The following ZC3H12D variants were observed in gnomAD, a reference collection of about 807,000 sequenced individuals.
ZC3H12D encodes the protein probable ribonuclease ZC3H12D.
ZC3H12D carries 11 observed loss-of-function variants against 24.2 expected under a neutral mutation model. The ratio of observed to expected loss-of-function variants is 0.46; its 90% CI spans 0.29 to 0.75. The LOEUF (loss-of-function observed/expected upper bound fraction) is 0.75, where lower values mean the gene tolerates loss of function less well. Among genes scored for constraint, ZC3H12D ranks in the 30% least tolerant of loss-of-function variants. ZC3H12D has a pLI of 0.11. For synonymous variants in ZC3H12D, 333 were observed against 341.8 expected, an observed-to-expected ratio of 0.97 and a Z score of 0.28; for missense variants, 740 against 767.7, an observed-to-expected ratio of 0.96 and a Z score of 0.43.
intron 4 of ZC3H12D, among the ~76,000 whole-genome samples, chr6:149,454,717 C>T (rs1413588937): frequency 2.6e-5 from 4 of 152,266 alleles, no homozygotes; most frequent in Admixed American, 6.5e-5. Context: ...ACTTGGCTCC[C>T]GCCCCAGGCT....
chr6:149,451,380 CCT>C lies in ZC3H12D; in HGVS notation c.885_886del (p.Ala297ProfsTer96). 1.3e-6 allele frequency: 2 copies of C among 1,551,378 alleles called. No homozygotes were observed. Among genetic ancestry groups the C allele is most frequent in the Non-Finnish European group, 1.7e-6 (2 of 1,160,576 alleles). On this transcript the variant is annotated frameshift_variant, in exon 6 of 6. Transcript: ENST00000409806. LOFTEE classifies it low-confidence loss of function (END_TRUNC). The stretch of plus-strand genomic sequence containing the variant: ...CTCGGCGCCCGCGCCAGGCCGGGCC[CCT>C]GTCTTGGCGCGGAGCTCGTCGGCCA...
chr6:149,471,574 T>C (rs1172215616), intron 2 of ZC3H12D, among the ~76,000 whole-genome samples: 2 of 152,232 alleles, frequency 1.3e-5, no homozygotes, highest in African/African-American at 2.4e-5. Flanking sequence ...TAAGTGTCTA[T>C]TGAAAGCTGT....
intron 2 of ZC3H12D, among the ~76,000 whole-genome samples, chr6:149,467,754 C>T (rs1196407203): frequency 6.6e-6 from 1 of 152,212 alleles, no homozygotes; most frequent in Admixed American, 6.5e-5. Flanking sequence ...GGCTGCAAAA[C>T]TCTTCCTCCC....
At chr6:149,481,414 G>A (rs1053014339) in intron 1 of ZC3H12D, among the ~76,000 whole-genome samples, 2 of 149,406 alleles carry the variant, frequency 1.3e-5, no homozygotes, top group Non-Finnish European at 3.0e-5. Context: ...TTGCTCTGTC[G>A]CCCAGGCTGG....
Position 149,456,836 on chromosome 6 carries a change from C to A in ZC3H12D, c.510G>T (p.Val170=). 2 of 1,611,218 alleles carry A rather than the reference C, an allele frequency of 1.2e-6. No homozygotes were observed. The highest frequency in any genetic ancestry group is 1.1e-5 in the South Asian group (1 of 91,088). ...CGTAGCAGACCAGGCGCTTGCCGTG[C>A]ACCTTGCGGGACGGCGTGTACACCA... ...AVLVYTPSRK[V]HGKRLVCYDD... Residue 170 remains valine (V), a synonymous_variant, in exon 4 of 6, where the codon GTG becomes GTT. Transcript: ENST00000409806. The surrounding 1 kb of genome is among the most constrained non-coding windows in gnomAD (Gnocchi z 4.3).
intron 2 of ZC3H12D, among the ~76,000 whole-genome samples, 183 bp from the exon 3 acceptor site, chr6:149,462,153 C>G (rs1290769652): frequency 2.0e-5 from 3 of 152,110 alleles, no homozygotes; most frequent in Non-Finnish European, 4.4e-5. Context: ...GTGGGCAGAT[C>G]ACTTGAGGTC....
Position 149,452,114 on chromosome 6 carries a change from G to A in ZC3H12D, c.787+502C>T, listed in dbSNP as rs1775907723. On this transcript the variant is annotated intron_variant, in intron 5 of 5. Coordinates refer to ENST00000409806, the MANE Select transcript of ZC3H12D (RefSeq NM_207360.3). This position sits in a 1 kb window ranked among gnomAD's most constrained non-coding sequence, Gnocchi z 4.0. The stretch of plus-strand genomic sequence containing the variant: ...CAAGAAATGATTGACTGTCACCCAA[G>A]TCTTTACTGAACTTGGAAACATCAA... 1 of 154,634 alleles carries A rather than the reference G, an allele frequency of 6.5e-6. No individual in the cohort carries two copies. The highest frequency in any genetic ancestry group is 2.1e-4 in the South Asian group (1 of 4,860). 9.6% of individuals were successfully genotyped at this position (154,634 alleles called of 1,614,324 possible).
intron 1 of ZC3H12D, among the ~76,000 whole-genome samples, chr6:149,478,425 TTTCA>T (rs1776375272): frequency 6.6e-6 from 1 of 152,142 alleles, no homozygotes; most frequent in Admixed American, 6.6e-5. Context: ...TAAAGTTATT[TTTCA>T]TGAAGATATG....
intron 1 of ZC3H12D, among the ~76,000 whole-genome samples, chr6:149,478,803 G>T (rs977920761): frequency 6.6e-6 from 1 of 151,368 alleles, no homozygotes; most frequent in African/African-American, 2.4e-5. Context: ...CCTCAGTCCT[G>T]CCATCTTCAC....
chr6:149,456,609 G>GC lies in ZC3H12D; in HGVS notation c.680+56_680+57insG. On this transcript the variant is annotated intron_variant, in intron 4 of 5. Coordinates refer to ENST00000409806, the MANE Select transcript of ZC3H12D (RefSeq NM_207360.3). This position sits in a 1 kb window ranked among gnomAD's most constrained non-coding sequence, Gnocchi z 4.3. ...TGGTAGCAGGCGTGGCCACTGCCTC[G>GC]ACCCCGGCCCCCCGCCCCGCCGCCC... 25 of 1,384,788 alleles carry GC rather than the reference G, an allele frequency of 1.8e-5. No homozygotes were observed. The highest frequency in any genetic ancestry group is 2.4e-5 in the East Asian group (1 of 41,240). The allele number at this position is 1,384,788 out of a possible 1,614,324, so 85.8% of individuals were successfully genotyped here. A position where few individuals can be genotyped will look rare whatever the true frequency, so the allele number is the denominator to read the frequency against.
intron 1 of ZC3H12D, among the ~76,000 whole-genome samples, chr6:149,475,815 G>A (rs1776330919): frequency 6.6e-6 from 1 of 152,070 alleles, no homozygotes; most frequent in African/African-American, 2.4e-5. Flanking sequence ...GAAGGGGGCT[G>A]TGTCCTGATA....
Position 149,452,621 on chromosome 6 carries a change from G to T in ZC3H12D, c.782C>A (p.Pro261His). 6.3e-7 allele frequency: 1 copy of T among 1,582,778 alleles called. No homozygotes were observed. Among genetic ancestry groups the T allele is most frequent in the Admixed American group, 1.8e-5 (1 of 55,728 alleles). The change falls in exon 5 of 6, where the codon CCT becomes CAT. Residue 261 changes from proline to histidine, a missense_variant. By Grantham distance (77) the Pro-to-His change is moderately conservative. Coordinates refer to ENST00000409806, the MANE Select transcript of ZC3H12D (RefSeq NM_207360.3). The surrounding 1 kb of genome is among the most constrained non-coding windows in gnomAD (Gnocchi z 4.0). ...KPPEPSWQHC[P>H]YGKKCTYGIK... Reference sequence around the variant, plus strand: ...AAGCACTGGGCCCTACCCACCATAAGGACAATGCTGCCAGGATGGCTCTGG... The same window carrying T: ...AAGCACTGGGCCCTACCCACCATAATGACAATGCTGCCAGGATGGCTCTGG...
intron 2 of ZC3H12D, among the ~76,000 whole-genome samples, chr6:149,463,437 G>A (rs1268376866): frequency 6.6e-5 from 10 of 152,248 alleles, no homozygotes; most frequent in Admixed American, 3.3e-4. Context: ...GAGGCCGGGC[G>A]TGGTGGCTCA....
At chr6:149,458,639 T>C (rs1236366853) in intron 3 of ZC3H12D, among the ~76,000 whole-genome samples, 2 of 152,158 alleles carry the variant, frequency 1.3e-5, no homozygotes, top group African/African-American at 4.8e-5. Flanking sequence ...CAAGAGTGAA[T>C]ATGGCTGAGC....
At chr6:149,475,448 T>G (rs1776320154) in intron 1 of ZC3H12D, among the ~76,000 whole-genome samples, 1 of 152,250 alleles carries the variant, frequency 6.6e-6, no homozygotes, top group Non-Finnish European at 1.5e-5. Flanking sequence ...CTGGGCATGG[T>G]GGCTCACGCC....
intron 2 of ZC3H12D, among the ~76,000 whole-genome samples, chr6:149,470,358 A>AAAAC (rs1442527748): frequency 6.6e-6 from 1 of 152,028 alleles, no homozygotes; most frequent in Non-Finnish European, 1.5e-5. Flanking sequence ...AGACTGTCTC[A>AAAAC]AAACAAACAA....
chr6:149,477,118 C>A (rs574815133), intron 1 of ZC3H12D, among the ~76,000 whole-genome samples: 2 of 152,378 alleles, frequency 1.3e-5, no homozygotes, highest in South Asian at 2.1e-4. Context: ...AGGCTCCTGA[C>A]CTTCAGTCCC....
intron 4 of ZC3H12D, among the ~76,000 whole-genome samples, chr6:149,454,034 C>T (rs1428766731): frequency 6.6e-6 from 1 of 152,204 alleles, no homozygotes; most frequent in Non-Finnish European, 1.5e-5. Context: ...GAGTTTGAAT[C>T]AGTGAGGAAG....
rs2115012274 is a variant in ZC3H12D at position 149,474,545 on chromosome 6, C to T, written c.-2G>A. 2 of 1,499,136 alleles carry T rather than the reference C, an allele frequency of 1.3e-6. No individual in the cohort carries two copies. The highest frequency in any genetic ancestry group is 1.3e-5 in the South Asian group (1 of 75,194). The allele number at this position is 1,499,136 out of a possible 1,614,324, so 92.9% of individuals were successfully genotyped here. A position where few individuals can be genotyped will look rare whatever the true frequency, so the allele number is the denominator to read the frequency against. On this transcript the variant is annotated 5_prime_UTR_variant, in exon 2 of 6. Coordinates refer to ENST00000409806, the MANE Select transcript of ZC3H12D (RefSeq NM_207360.3). ...TTCCATCTTGCTGGGGTGCTCCATGCTGTGCCCAGCGGCCACTGGCGCAGG... is the reference window on the plus strand; with the variant it reads ...TTCCATCTTGCTGGGGTGCTCCATGTTGTGCCCAGCGGCCACTGGCGCAGG...
Sources: gnomAD v4.1 joint callset for allele counts (sites outside exome capture counted in the v4.1 genomes callset) on GRCh38, gnomAD v4.1.1 for gene constraint, Gnocchi (gnomAD v3.1) non-coding constraint, MANE v1.5 for transcripts, NCBI Gene and HGNC (gene_info 2026-07-23, HGNC 2026-07-21) for gene names.